Variants in LRRTM4 observed in about 807,000 individuals in gnomAD.
LRRTM4 encodes leucine-rich repeat transmembrane neuronal protein 4.
Under a neutral mutation model 47.6 loss-of-function variants are expected in LRRTM4, and 25 were observed. The ratio of observed to expected loss-of-function variants is 0.53; its 90% CI spans 0.38 to 0.73. LRRTM4 has a LOEUF of 0.73. Ranked by LOEUF, LRRTM4 falls within the 30% of genes least tolerant of loss-of-function variation. The probability of loss-of-function intolerance (pLI) is 0.00; values close to 1 mark genes in which losing one functional copy is unlikely to be tolerated. For missense variants in LRRTM4, 638 were observed against 713.4 expected, an observed-to-expected ratio of 0.89 and a Z score of 1.20; for synonymous variants, 311 against 269.5, an observed-to-expected ratio of 1.15 and a Z score of -1.51.
At chr2:77,356,085 C>A (rs1178571221) in intron 3 of LRRTM4, among the ~76,000 whole-genome samples, 6 of 152,132 alleles carry the variant, frequency 3.9e-5, no homozygotes, top group Non-Finnish European at 5.9e-5. Context: ...CAAAGCGAGA[C>A]CCTGTCTCAA....
At chr2:77,271,035 C>T (rs573825440) in intron 3 of LRRTM4, among the ~76,000 whole-genome samples, 8 of 152,250 alleles carry the variant, frequency 5.3e-5, no homozygotes, top group South Asian at 2.1e-4. Context: ...AGCCTGACTT[C>T]GGTGAAGAGA....
intron 3 of LRRTM4, among the ~76,000 whole-genome samples, chr2:76,805,980 G>C (rs1276101270): frequency 6.6e-6 from 1 of 152,176 alleles, no homozygotes; most frequent in Admixed American, 6.5e-5. Flanking sequence ...AAGAACCCTA[G>C]GCTTACAGTT....
At chr2:76,899,952 G>T (rs778669815) in intron 3 of LRRTM4, among the ~76,000 whole-genome samples, 1 of 152,008 alleles carries the variant, frequency 6.6e-6, no homozygotes, top group Non-Finnish European at 1.5e-5. Context: ...GTAGACACCA[G>T]GTGCGGTGGC....
At chr2:77,127,778 C>A (rs1671685119) in intron 3 of LRRTM4, among the ~76,000 whole-genome samples, 2 of 152,180 alleles carry the variant, frequency 1.3e-5, no homozygotes, top group East Asian at 1.9e-4. Context: ...ACAGTAGTAT[C>A]CCTGATGGAA....
At chr2:77,208,267 G>T (rs887459659) in intron 3 of LRRTM4, among the ~76,000 whole-genome samples, 1 of 152,144 alleles carries the variant, frequency 6.6e-6, no homozygotes, top group Non-Finnish European at 1.5e-5. Context: ...GGAACTAGAT[G>T]CTATAAGGGA....
intron 3 of LRRTM4, among the ~76,000 whole-genome samples, chr2:77,295,351 C>T (rs1463395748): frequency 6.6e-6 from 1 of 152,012 alleles, no homozygotes; most frequent in Admixed American, 6.6e-5. Flanking sequence ...ATATTTCTTA[C>T]AAAGTTATAT....
intron 2 of LRRTM4, among the ~76,000 whole-genome samples, chr2:77,520,840 C>G (rs181699157): frequency 6.6e-6 from 1 of 151,816 alleles, no homozygotes; most frequent in Non-Finnish European, 1.5e-5. Context: ...CACTGCATTT[C>G]CAAGTCATTG....
At chr2:77,292,920 A>G (rs1676868425) in intron 3 of LRRTM4, among the ~76,000 whole-genome samples, 1 of 151,748 alleles carries the variant, frequency 6.6e-6, no homozygotes, top group Non-Finnish European at 1.5e-5. Flanking sequence ...AGAATTAGAA[A>G]CCTAATTCAG....
intron 3 of LRRTM4, among the ~76,000 whole-genome samples, chr2:76,843,772 G>A (rs1671756044): frequency 6.6e-6 from 1 of 152,228 alleles, no homozygotes; most frequent in East Asian, 1.9e-4. Context: ...AGGCAGTAAG[G>A]AAGTTTATTC....
At chr2:76,939,539 A>G (rs961448858) in intron 3 of LRRTM4, among the ~76,000 whole-genome samples, 1 of 152,048 alleles carries the variant, frequency 6.6e-6, no homozygotes, top group Non-Finnish European at 1.5e-5. Context: ...CATTTATATC[A>G]TGGAAGATAA....
intron 3 of LRRTM4, among the ~76,000 whole-genome samples, chr2:77,089,440 G>A (rs1055713276): frequency 1.4e-5 from 2 of 138,722 alleles, no homozygotes; most frequent in Admixed American, 1.5e-4. Flanking sequence ...CCCCAACCTC[G>A]TATCTCTGTG....
At chr2:77,105,666 AAG>A (rs1671076754) in intron 3 of LRRTM4, among the ~76,000 whole-genome samples, 1 of 152,242 alleles carries the variant, frequency 6.6e-6, no homozygotes, top group Admixed American at 6.5e-5. Flanking sequence ...TAATAAAAAA[AAG>A]AGTCTATACT....
intron 3 of LRRTM4, among the ~76,000 whole-genome samples, chr2:76,907,216 A>C (rs1018313307): frequency 2.0e-5 from 3 of 152,218 alleles, no homozygotes; most frequent in East Asian, 1.9e-4. Flanking sequence ...ACTACATGGA[A>C]ACTGTACAAC....
chr2:77,264,768 C>T (rs1268248774), intron 3 of LRRTM4, among the ~76,000 whole-genome samples: 1 of 152,002 alleles, frequency 6.6e-6, no homozygotes, highest in African/African-American at 2.4e-5. Context: ...CTTATATAAA[C>T]ACACAACACA....
At chr2:77,261,177 A>G (rs955066228) in intron 3 of LRRTM4, among the ~76,000 whole-genome samples, 1 of 143,442 alleles carries the variant, frequency 7.0e-6, no homozygotes, top group Non-Finnish European at 1.5e-5. Context: ...TGGGAGTAGT[A>G]ATAAAAAAAA....
intron 3 of LRRTM4, among the ~76,000 whole-genome samples, chr2:76,857,866 T>G (rs1316503339): frequency 1.3e-5 from 2 of 152,060 alleles, no homozygotes; most frequent in Admixed American, 6.6e-5. Flanking sequence ...GTCCCAACAA[T>G]GAAGAAATAC....
intron 3 of LRRTM4, among the ~76,000 whole-genome samples, chr2:77,068,673 A>G (rs1313796092): frequency 6.6e-6 from 1 of 151,798 alleles, no homozygotes; most frequent in Non-Finnish European, 1.5e-5. Context: ...ATAATATTCC[A>G]ATGTGTGGAT....
At chr2:76,906,720 T>C (rs1283037425) in intron 3 of LRRTM4, among the ~76,000 whole-genome samples, 2 of 151,352 alleles carry the variant, frequency 1.3e-5, no homozygotes, top group Non-Finnish European at 2.9e-5. Context: ...AAACAGACTT[T>C]AAACCAACAA....
At chr2:76,874,997 C>G (rs185639134) in intron 3 of LRRTM4, among the ~76,000 whole-genome samples, 59 of 152,000 alleles carry the variant, frequency 3.9e-4, no homozygotes, top group African/African-American at 1.3e-3. Context: ...AGCTTATATG[C>G]CTGCCAATAT....
Sources: gnomAD v4.1 joint callset for allele counts (sites outside exome capture counted in the v4.1 genomes callset) on GRCh38, gnomAD v4.1.1 for gene constraint, MANE v1.5 for transcripts, NCBI Gene and HGNC (gene_info 2026-07-23, HGNC 2026-07-21) for gene names.